Variants in NIN observed in about 807,000 individuals in gnomAD.
NIN encodes the protein glycogen synthase kinase 3 beta-interacting protein.
In NIN, 137 loss-of-function variants were observed where a neutral mutation model predicts 257.6. The observed-to-expected ratio is 0.53, with a 90% confidence interval of 0.46 to 0.61. The LOEUF (loss-of-function observed/expected upper bound fraction) is 0.61. NIN is among the 20% of genes least tolerant of loss of function. The pLI is 0.00. For missense variants in NIN, 2,439 were observed against 2,501.2 expected, an observed-to-expected ratio of 0.98 and a Z score of 0.53; for synonymous variants, 918 against 919.8, an observed-to-expected ratio of 1.00 and a Z score of 0.04.
Position 50,772,383 on chromosome 14 carries a change from T to C in NIN, c.899A>G (p.Asp300Gly), listed in dbSNP as rs1325269912. Residue 300 changes from aspartate (D) to glycine (G), a missense_variant, in exon 9 of 31, where the codon GAT becomes GGT. Asp to Gly is a moderately conservative substitution (Grantham distance 94, BLOSUM62 -1). This residue lies in a region of NIN where 387 missense variants were observed against 427.3 expected (regional missense o/e 0.91). Coordinates refer to ENST00000530997, the MANE Select transcript of NIN (RefSeq NM_020921.4). ...CTCCACAGATGCATGGCCCATCCCA[T>C]CATCCAGGCAGGAGAAGACCCGAAA... Reference protein sequence around the residue: ...IGFRVFSCLDDGMGHASVERI... With the variant: ...IGFRVFSCLDGGMGHASVERI... The C allele has an allele frequency of 6.2e-7, 1 of 1,614,152 alleles. No homozygotes were observed. Among genetic ancestry groups the C allele is most frequent in the Non-Finnish European group, 8.5e-7 (1 of 1,179,972 alleles).
chr14:50,799,233 T>TA (rs1304131733), intron 4 of NIN, among the ~76,000 whole-genome samples: 1 of 152,184 alleles, frequency 6.6e-6, no homozygotes, highest in Non-Finnish European at 1.5e-5. Flanking sequence ...CATGAAGACT[T>TA]AGTTTCCTCA....
At chr14:50,759,618 A>T (rs7155230) in intron 17 of NIN, among the ~76,000 whole-genome samples, 4 of 151,160 alleles carry the variant, frequency 2.6e-5, no homozygotes, top group African/African-American at 9.7e-5. Flanking sequence ...CTCAGCCTCC[A>T]GAGTAGCTGG....
intron 4 of NIN, among the ~76,000 whole-genome samples, chr14:50,803,114 G>T (rs548828478): frequency 2.0e-5 from 3 of 152,294 alleles, no homozygotes; most frequent in South Asian, 4.1e-4. Context: ...AGCACTTTGG[G>T]AGGCCGAGGC....
chr14:50,799,990 A>G (rs1182452877), intron 4 of NIN, among the ~76,000 whole-genome samples: 1 of 144,906 alleles, frequency 6.9e-6, no homozygotes, highest in Admixed American at 7.2e-5. Context: ...ACAAAAAACA[A>G]ACAATATATA....
In NIN at chr14:50,729,714, G is replaced by C; in HGVS notation, c.5887C>G (p.Leu1963Val). 1 of 1,601,382 alleles carries C rather than the reference G, an allele frequency of 6.2e-7. No homozygotes were observed. Among genetic ancestry groups the C allele is most frequent in the Non-Finnish European group, 8.5e-7 (1 of 1,173,378 alleles). The change falls in exon 29 of 31, where the codon CTG becomes GTG. Residue 1963 changes from leucine to valine, a missense_variant. Leu to Val is a conservative substitution (Grantham distance 32). Around this residue, in one of 3 missense-constraint regions of NIN, gnomAD observed 2,043 missense variants for 2,050.2 expected, o/e 1.00. Coordinates refer to ENST00000530997, the MANE Select transcript of NIN (RefSeq NM_020921.4). Reference sequence around the variant, plus strand: ...GGGCTAGGCGTCGCAGTGGACCTCAGGTGCTGCATCTGAAGGACAAGGGCA... The same window carrying C: ...GGGCTAGGCGTCGCAGTGGACCTCACGTGCTGCATCTGAAGGACAAGGGCA... ...LDEQLMEMQHLRSTATPSPSP... is the reference protein window; with the variant it reads ...LDEQLMEMQHVRSTATPSPSP...
Position 50,756,419 on chromosome 14 carries a change from C to T in NIN, c.4538+73G>A, listed in dbSNP as rs747274040. The T allele has an allele frequency of 1.8e-4, 268 of 1,486,634 alleles. 1 individual carries two copies. The highest frequency in any genetic ancestry group is 6.5e-4 in the South Asian group (48 of 74,340). The allele number at this position is 1,486,634 out of a possible 1,614,324, so 92.1% of individuals were successfully genotyped here. A position where few individuals can be genotyped will look rare whatever the true frequency, so the allele number is the denominator to read the frequency against. On this transcript the variant is annotated intron_variant, in intron 18 of 30. Coordinates refer to ENST00000530997, the MANE Select transcript of NIN (RefSeq NM_020921.4). ...ACTACTAGGTTAGTTTCTCTAGGCACGGCAAGCAGTGGAAGTTAGATCTGG... is the reference window on the plus strand; with the variant it reads ...ACTACTAGGTTAGTTTCTCTAGGCATGGCAAGCAGTGGAAGTTAGATCTGG...
At chr14:50,827,189 G>C (rs763039808) in intron 2 of NIN, among the ~76,000 whole-genome samples, 12 of 152,222 alleles carry the variant, frequency 7.9e-5, no homozygotes, top group Non-Finnish European at 2.9e-5. Flanking sequence ...TAAAAGGAAA[G>C]AGTGACAAGG....
At chr14:50,725,805 C>A (rs2140312878) in intron 30 of NIN, 148 bp downstream of exon 30, 2 of 1,452,894 alleles carry the variant, frequency 1.4e-6, no homozygotes, top group East Asian at 2.3e-5. Context: ...TGAGGGATAG[C>A]AAATCCTAAG....
chr14:50,760,162 C>T lies in NIN; in HGVS notation c.2094G>A (p.Glu698=). Residue 698 remains glutamate (E), a synonymous_variant, in exon 17 of 31, where the codon GAG becomes GAA. Coordinates refer to ENST00000530997, the MANE Select transcript of NIN (RefSeq NM_020921.4). The part of the protein sequence containing the change: ...EAHHEATCRH[E]EEKKQLQVKL... ...TCACTTGCAGTTGTTTTTTCTCCTC[C>T]TCATGCCTGCAAGTGGCCTCATGAT... 6.2e-7 allele frequency: 1 copy of T among 1,614,182 alleles called. No homozygotes were observed. The highest frequency in any genetic ancestry group is 1.1e-5 in the South Asian group (1 of 91,084).
At chr14:50,727,609 CTG>C (rs1163954616) in intron 29 of NIN, 23 of 1,429,012 alleles carry the variant, frequency 1.6e-5, no homozygotes, top group East Asian at 3.1e-5. Context: ...GCTTATGTCT[CTG>C]TGTGTGGTGT....
At position 50,757,841 on chromosome 14, in the gene NIN, A is replaced by G; in HGVS notation, c.3189T>C (p.Asn1063=). ...LQQGEQLLEE[N]GDVLLSLQRA... ...TCTGCAGGCTTAAGAGGACGTCCCC[A>G]TTTTCTTCCAACAGCTGCTCCCCTT... The change falls in exon 18 of 31, where the codon AAT becomes AAC. Residue 1063 remains asparagine (N), a synonymous_variant. Coordinates refer to ENST00000530997, the MANE Select transcript of NIN (RefSeq NM_020921.4). 6.2e-7 allele frequency: 1 copy of G among 1,613,886 alleles called. No homozygotes were observed. The highest frequency in any genetic ancestry group is 8.5e-7 in the Non-Finnish European group (1 of 1,179,990).
chr14:50,765,843 G>GTTT (rs34321797), intron 14 of NIN, among the ~76,000 whole-genome samples: 71,580 of 146,810 alleles, frequency 0.49, 19,327 homozygotes, highest in East Asian at 0.83. Flanking sequence ...TAACATTTAT[G>GTTT]TTTTTTTTTT....
intron 7 of NIN, among the ~76,000 whole-genome samples, chr14:50,776,713 A>G (rs2042937355): frequency 6.6e-6 from 1 of 152,214 alleles, no homozygotes; most frequent in South Asian, 2.1e-4. Context: ...CACATGGGGT[A>G]ACCTGCCTAG....
At chr14:50,758,823 C>A (rs979043527) in intron 17 of NIN, among the ~76,000 whole-genome samples, 193 bp from the exon 18 acceptor site, 2 of 152,144 alleles carry the variant, frequency 1.3e-5, no homozygotes, top group African/African-American at 4.8e-5. Context: ...AGACTGGCAG[C>A]CATAATTCAT....
intron 4 of NIN, among the ~76,000 whole-genome samples, chr14:50,799,795 G>A (rs1180439313): frequency 6.6e-6 from 1 of 152,158 alleles, no homozygotes; most frequent in South Asian, 2.1e-4. Context: ...CTAACATGGC[G>A]AAACCCTGTT....
rs2042210049 is a variant in NIN, at chr14:50,759,921, G to A, written c.2335C>T (p.Leu779Phe). Residue 779 changes from leucine to phenylalanine, a missense_variant, in exon 17 of 31, where the codon CTT (leucine) becomes TTT (phenylalanine). Leu to Phe is a conservative substitution (Grantham distance 22). Transcript: ENST00000530997. ...TCTTTTCTTAACTCCTCTTTCTCAA[G>A]AGTGTGTTTCTCCACCAGGCTTGTC... Reference protein sequence around the residue: ...QLTSLVEKHTLEKEELRKELL... With the variant: ...QLTSLVEKHTFEKEELRKELL... The A allele has an allele frequency of 6.2e-7, 1 of 1,614,142 alleles. No individual in the cohort carries two copies. Among genetic ancestry groups the A allele is most frequent in the Admixed American group, 1.7e-5 (1 of 60,018 alleles).
intron 4 of NIN, among the ~76,000 whole-genome samples, chr14:50,804,106 A>G (rs1169859472): frequency 6.6e-6 from 1 of 152,116 alleles, no homozygotes; most frequent in Non-Finnish European, 1.5e-5. Flanking sequence ...CACGCTGGCC[A>G]GGCTGGTCTC....
At chr14:50,793,718 A>G (rs918549581) in intron 4 of NIN, among the ~76,000 whole-genome samples, 2 of 151,990 alleles carry the variant, frequency 1.3e-5, no homozygotes, top group African/African-American at 4.8e-5. Context: ...TGCCATCACC[A>G]CTGCCATCAC....
chr14:50,741,809 A>G (rs1214717635), intron 24 of NIN, 81 bp from the exon 25 acceptor site: 10 of 1,477,030 alleles, frequency 6.8e-6, no homozygotes, highest in Non-Finnish European at 9.1e-6. Flanking sequence ...GAATAAGGAC[A>G]AAAGAACTTT....
Sources: gnomAD v4.1 joint callset for allele counts (sites outside exome capture counted in the v4.1 genomes callset) on GRCh38, gnomAD v4.1.1 for gene constraint, gnomAD v4.1.1 regional missense constraint, MANE v1.5 for transcripts, NCBI Gene and HGNC (gene_info 2026-07-23, HGNC 2026-07-21) for gene names.